Variants in CLOCK observed in about 807,000 individuals in gnomAD.
CLOCK encodes clock circadian regulator, also known as circadian locomoter output cycles protein kaput.
Under a neutral mutation model 118.4 loss-of-function variants are expected in CLOCK, and 43 were observed. The observed-to-expected ratio is 0.36, with a 90% confidence interval of 0.28 to 0.47. The LOEUF (loss-of-function observed/expected upper bound fraction) is 0.47. Ranked by LOEUF, CLOCK falls within the 20% of genes least tolerant of loss-of-function variation. The pLI is 1.00. For missense variants in CLOCK, 846 were observed against 999.9 expected (o/e 0.85, Z 2.08); for synonymous variants, 326 against 339.2 (o/e 0.96, Z 0.43).
At chr4:55,534,344 C>T (rs1444153468) in intron 1 of CLOCK, among the ~76,000 whole-genome samples, 1 of 151,930 alleles carries the variant, frequency 6.6e-6, no homozygotes, top group Non-Finnish European at 1.5e-5. Context: ...GACAAAGATA[C>T]CACAAAAAAA....
chr4:55,450,866 G>A lies in CLOCK; in HGVS notation c.1207-634C>T, dbSNP rs184134355. Among the ~76,000 whole-genome samples the A allele has an allele frequency of 2.3e-3, 354 of 152,100 alleles. 2 individuals are homozygous for A. Among genetic ancestry groups the A allele is most frequent in the African/African-American group, 7.9e-3 (329 of 41,466 alleles). ...CAAGAAAACATAGGGGAGAAAGCCAGGTGAATGCCTGCGGTGCCAACTACC... is the reference window on the plus strand; with the variant it reads ...CAAGAAAACATAGGGGAGAAAGCCAAGTGAATGCCTGCGGTGCCAACTACC... On this transcript the variant is annotated intron_variant, in intron 15 of 22. Transcript: ENST00000513440.
chr4:55,474,442 G>C (rs545783153), intron 7 of CLOCK, among the ~76,000 whole-genome samples: 1 of 152,326 alleles, frequency 6.6e-6, no homozygotes, highest in East Asian at 1.9e-4. Flanking sequence ...GTAGAAGCTA[G>C]AGCAAGTGAT....
chr4:55,495,324 T>C (rs1727993095), intron 2 of CLOCK, among the ~76,000 whole-genome samples: 2 of 152,192 alleles, frequency 1.3e-5, no homozygotes, highest in Non-Finnish European at 2.9e-5. Context: ...CTCTTCACCT[T>C]ACTTGCTCCC....
Position 55,453,072 on chromosome 4 carries a change from A to G in CLOCK, c.1188T>C (p.Pro396=). 2.5e-6 allele frequency: 4 copies of G among 1,610,388 alleles called. No individual in the cohort carries two copies. The highest frequency in any genetic ancestry group is 3.4e-6 in the Non-Finnish European group (4 of 1,177,468). ...AACATACTTTGTCAGCAGCTGTCTC[A>G]GGAAGAGACTCTTCAATGCCAAGTT... ...RRELGIEESL[P]ETAADKSQDS... is the part of the protein sequence containing the mutation. Residue 396 remains proline, a synonymous_variant, in exon 15 of 23, where the codon CCT becomes CCC. Coordinates refer to ENST00000513440, the MANE Select transcript of CLOCK (RefSeq NM_004898.4).
At chr4:55,470,313 T>C (rs566213002) in intron 8 of CLOCK, among the ~76,000 whole-genome samples, 2 of 152,282 alleles carry the variant, frequency 1.3e-5, no homozygotes, top group African/African-American at 2.4e-5. Context: ...AACATATAAA[T>C]ACTGTGTTAC....
intron 7 of CLOCK, among the ~76,000 whole-genome samples, chr4:55,475,260 G>A (rs188075182): frequency 5.9e-5 from 9 of 152,302 alleles, no homozygotes; most frequent in East Asian, 1.9e-4. Flanking sequence ...AATTAAAAGT[G>A]GAGTCTGAAG....
At chr4:55,478,715 T>A (rs375640636) in intron 6 of CLOCK, 100 bp downstream of exon 6, 9 of 1,160,498 alleles carry the variant, frequency 7.8e-6, no homozygotes, top group Non-Finnish European at 1.1e-5. Context: ...GATTTCTCTC[T>A]CTTAAAAAAG....
chr4:55,494,537 T>C (rs945429323), intron 2 of CLOCK, among the ~76,000 whole-genome samples: 1 of 151,790 alleles, frequency 6.6e-6, no homozygotes, highest in Non-Finnish European at 1.5e-5. Flanking sequence ...GGCATAAGAA[T>C]GATACAATGG....
At chr4:55,510,702 C>T (rs1460560449) in intron 1 of CLOCK, among the ~76,000 whole-genome samples, 1 of 149,920 alleles carries the variant, frequency 6.7e-6, no homozygotes, top group African/African-American at 2.5e-5. Flanking sequence ...TATGATCTAG[C>T]CAAATAAAGC....
chr4:55,438,638 A>T, intron 21 of CLOCK, 101 bp from the exon 22 acceptor site: 1 of 1,557,604 alleles, frequency 6.4e-7, no homozygotes, highest in African/African-American at 1.4e-5. Flanking sequence ...ACCCAATGAC[A>T]TTGCCAGTTT....
chr4:55,448,601 C>CGCGCGCGT (rs764071880), intron 18 of CLOCK, among the ~76,000 whole-genome samples, 178 bp downstream of exon 18: 260 of 117,020 alleles, frequency 2.2e-3, no homozygotes, highest in Non-Finnish European at 2.7e-3. Flanking sequence ...CGCACGCGCG[C>CGCGCGCGT]GTGTGTGTGT....
At chr4:55,456,143 T>A in intron 12 of CLOCK, 75 bp downstream of exon 12, 2 of 1,346,942 alleles carry the variant, frequency 1.5e-6, no homozygotes, top group Non-Finnish European at 2.1e-6. Flanking sequence ...AAAAAAAGTT[T>A]GCCCTTGATC....
chr4:55,538,125 G>A (rs568547028), intron 1 of CLOCK, among the ~76,000 whole-genome samples: 13 of 152,278 alleles, frequency 8.5e-5, no homozygotes, highest in Non-Finnish European at 1.6e-4. Flanking sequence ...ACAGATATTA[G>A]ACTCATTACA....
chr4:55,483,968 T>C (rs914622317), intron 3 of CLOCK, among the ~76,000 whole-genome samples: 1 of 152,178 alleles, frequency 6.6e-6, no homozygotes, highest in Non-Finnish European at 1.5e-5. Flanking sequence ...CTGAAAGCTT[T>C]TGAGCATCAA....
chr4:55,494,940 T>C (rs1727957493), intron 2 of CLOCK, among the ~76,000 whole-genome samples: 1 of 152,190 alleles, frequency 6.6e-6, no homozygotes. Flanking sequence ...TAAATTTGTA[T>C]TGTCTTAAGC....
chr4:55,519,297 T>C (rs1729709085), intron 1 of CLOCK, among the ~76,000 whole-genome samples: 1 of 152,118 alleles, frequency 6.6e-6, no homozygotes, highest in African/African-American at 2.4e-5. Context: ...CCTCAAGTGG[T>C]CCTCCTGCCT....
intron 8 of CLOCK, among the ~76,000 whole-genome samples, chr4:55,466,518 TCTA>T (rs1725749751): frequency 1.3e-5 from 2 of 152,366 alleles, no homozygotes; most frequent in Non-Finnish European, 2.9e-5. Flanking sequence ...ATTATAGTTT[TCTA>T]CTATTATTTG....
At chr4:55,531,225 C>A (rs1300947042) in intron 1 of CLOCK, among the ~76,000 whole-genome samples, 2 of 151,348 alleles carry the variant, frequency 1.3e-5, no homozygotes, top group African/African-American at 2.4e-5. Context: ...TGACTTTAGA[C>A]CCATAGAAAA....
Position 55,431,099 on chromosome 4 carries a change from C to T in CLOCK, c.*4316G>A, listed in dbSNP as rs957208003. 3 of 152,088 alleles carry T rather than the reference C, an allele frequency of 2.0e-5. No homozygotes were observed. Among genetic ancestry groups the T allele is most frequent in the Non-Finnish European group, 4.4e-5 (3 of 68,014 alleles). 9.4% of individuals were successfully genotyped at this position (152,088 alleles called of 1,614,324 possible). On this transcript the variant is annotated 3_prime_UTR_variant, in exon 23 of 23. Coordinates refer to ENST00000513440, the MANE Select transcript of CLOCK (RefSeq NM_004898.4). ...TAAACTTTATCAAAATGAGTAATTG[C>T]AATAAAGTGCTTGTTACATTTCAAA...
Sources: gnomAD v4.1 joint callset for allele counts (sites outside exome capture counted in the v4.1 genomes callset) on GRCh38, gnomAD v4.1.1 for gene constraint, MANE v1.5 for transcripts, NCBI Gene and HGNC (gene_info 2026-07-23, HGNC 2026-07-21) for gene names.